LRRC8E: variants seen among roughly 807,000 people sequenced by gnomAD.
LRRC8E encodes leucine rich repeat containing 8 VRAC subunit E.
In LRRC8E, 6 loss-of-function variants were observed where a neutral mutation model predicts 6.1. The ratio of observed to expected loss-of-function variants is 0.98; its 90% CI spans 0.54 to 1.93. The LOEUF is 1.93. Ranked by LOEUF, LRRC8E falls within the 30% of genes most tolerant of loss-of-function variation. The pLI is 0.01. For synonymous variants in LRRC8E, 485 were observed against 472.8 expected, an observed-to-expected ratio of 1.03 and a Z score of -0.33; for missense variants, 1,028 against 1,031.4, an observed-to-expected ratio of 1.00 and a Z score of 0.04.
rs1222390073 is a variant in LRRC8E, at chr19:7,900,778, C to G, written c.2256C>G (p.Leu752=). ...TCAGAGCCCTCAGCCGCCTGGAGCT[C>G]AAAGGCAACCGCTTAGAGGCGCTGC... ...GALRALSRLE[L]KGNRLEALPE... The change falls in exon 3 of 3, where the codon CTC becomes CTG. Residue 752 remains leucine, a synonymous_variant. Coordinates refer to ENST00000306708, the MANE Select transcript of LRRC8E (RefSeq NM_025061.6). The surrounding 1 kb of genome is among the most constrained non-coding windows in gnomAD (Gnocchi z 5.0). The G allele has an allele frequency of 6.2e-6, 10 of 1,609,826 alleles. No homozygotes were observed. The highest frequency in any genetic ancestry group is 8.5e-6 in the Non-Finnish European group (10 of 1,177,842).
In LRRC8E at chr19:7,895,846, C is replaced by A; in HGVS notation, c.138+105C>A. 15 of 1,448,400 alleles carry A rather than the reference C, an allele frequency of 1.0e-5. No individual in the cohort carries two copies. The highest frequency in any genetic ancestry group is 2.0e-5 in the Admixed American group (1 of 49,490). 89.7% of individuals were successfully genotyped at this position (1,448,400 alleles called of 1,614,324 possible). A position where few individuals can be genotyped will look rare whatever the true frequency, so the allele number is the denominator to read the frequency against. On this transcript the variant is annotated intron_variant, in intron 2 of 2. Transcript: ENST00000306708. This position sits in a 1 kb window ranked among gnomAD's most constrained non-coding sequence, Gnocchi z 4.7. ...CCCAAGAAAGAGAGGAAACTGAAGA[C>A]AGAGCCCCACTCAAAGGCCAATCCA...
Position 7,899,853 on chromosome 19 carries a change from T to G in LRRC8E, c.1331T>G (p.Leu444Arg). 2 of 1,606,272 alleles carry G rather than the reference T, an allele frequency of 1.2e-6. No homozygotes were observed. The highest frequency in any genetic ancestry group is 1.7e-6 in the Non-Finnish European group (2 of 1,179,948). ...CTCAGTGAGGTGGAGTCACTCAGGC[T>G]GGAGGCCATCTGCGATATCACCTTC... ...FELSEVESLR[L>R]EAICDITFPP... is the part of the protein sequence containing the mutation. The change falls in exon 3 of 3, where the codon CTG becomes CGG. Residue 444 changes from leucine to arginine, a missense_variant. Physicochemically the swap from Leu to Arg is moderately radical, Grantham distance 102. Transcript: ENST00000306708.
rs898952291 is a variant in LRRC8E, at chr19:7,895,283, A to G, written c.-5-316A>G. The G allele has an allele frequency of 2.3e-4, 59 of 259,832 alleles. No individual in the cohort carries two copies. Among genetic ancestry groups the G allele is most frequent in the Non-Finnish European group, 1.5e-4 (20 of 132,672 alleles). The allele number at this position is 259,832 out of a possible 1,614,324, so 16.1% of individuals were successfully genotyped here. ...GATGCCTCGTTTTGGGGAGGGGGCC[A>G]CCCGAGGAGGCTGGAGGGCGGCGGC... On this transcript the variant is annotated intron_variant, in intron 1 of 2. Transcript: ENST00000306708. The surrounding 1 kb of genome is among the most constrained non-coding windows in gnomAD (Gnocchi z 4.7).
chr19:7,891,531 G>GTGTGTGTGTGTGTGTGTGTGTGTT (rs1981310237), intron 1 of LRRC8E, among the ~76,000 whole-genome samples: 1 of 128,766 alleles, frequency 7.8e-6, no homozygotes, highest in South Asian at 2.3e-4. Context: ...TCGGGTGTGT[G>GTGTGTGTGTGTGTGTGTGTGTGTT]TGTGTGTGTG....
rs149479952 is a variant in LRRC8E, at chr19:7,900,656, G to A, written c.2134G>A (p.Glu712Lys). ...QHLALSYNALEALPEELFFCR... is the reference protein window; with the variant it reads ...QHLALSYNALKALPEELFFCR... ...CCTGGCCCTCTCCTACAATGCCCTG[G>A]AGGCCCTGCCCGAAGAGCTCTTCTT... is the stretch of plus-strand genomic sequence containing the variant. Residue 712 changes from glutamate to lysine, a missense_variant, in exon 3 of 3, where the codon GAG (glutamate) becomes AAG (lysine). Coordinates refer to ENST00000306708, the MANE Select transcript of LRRC8E (RefSeq NM_025061.6). The surrounding 1 kb of genome is among the most constrained non-coding windows in gnomAD (Gnocchi z 5.0). The A allele has an allele frequency of 4.3e-6, 7 of 1,613,328 alleles. No homozygotes were observed. In the African/African-American group the frequency reaches 9.3e-5, roughly 22 times the overall value.
Position 7,899,961 on chromosome 19 carries a change from T to C in LRRC8E, c.1439T>C (p.Val480Ala). ...SPARLPFSLQ[V>A]FLRDHLKVMR... The stretch of plus-strand genomic sequence containing the variant: ...GCCAGGCTACCCTTCTCCTTGCAGG[T>C]CTTCCTGCGGGACCACCTGAAGGTG... Residue 480 changes from valine (V) to alanine (A), a missense_variant, in exon 3 of 3, where the codon GTC (valine) becomes GCC (alanine). Physicochemically the swap from Val to Ala is moderately conservative, Grantham distance 64. Transcript: ENST00000306708. 1.9e-6 allele frequency: 3 copies of C among 1,609,430 alleles called. No homozygotes were observed. Among genetic ancestry groups the C allele is most frequent in the Non-Finnish European group, 2.5e-6 (3 of 1,179,830 alleles).
chr19:7,889,447 A>ACAAACAACAAC (rs1981190283), intron 1 of LRRC8E, among the ~76,000 whole-genome samples: 1 of 125,050 alleles, frequency 8.0e-6, no homozygotes, highest in African/African-American at 2.8e-5. Context: ...ATCTCAAAAA[A>ACAAACAACAAC]AAAAAAAGAT....
chr19:7,894,724 G>C (rs1981486107), intron 1 of LRRC8E, among the ~76,000 whole-genome samples: 2 of 152,314 alleles, frequency 1.3e-5, no homozygotes, highest in Admixed American at 6.5e-5. Context: ...TGGCTGGCCT[G>C]TCTGTATCTG....
rs1981560812 is a variant in LRRC8E, at chr19:7,895,875, C to A, written c.138+134C>A. On this transcript the variant is annotated intron_variant, in intron 2 of 2. Coordinates refer to ENST00000306708, the MANE Select transcript of LRRC8E (RefSeq NM_025061.6). This position sits in a 1 kb window ranked among gnomAD's most constrained non-coding sequence, Gnocchi z 4.7. ...GCCCCACTCAAAGGCCAATCCAGAC[C>A]CCTTATCTTCCTTACCTCCATAGCC... 1.9e-6 allele frequency: 2 copies of A among 1,050,986 alleles called. No individual in the cohort carries two copies. Among genetic ancestry groups the A allele is most frequent in the Admixed American group, 5.1e-5 (2 of 38,882 alleles). 65.1% of individuals were successfully genotyped at this position (1,050,986 alleles called of 1,614,324 possible). A position where few individuals can be genotyped will look rare whatever the true frequency, so the allele number is the denominator to read the frequency against.
In LRRC8E at chr19:7,899,660, C is replaced by A; in HGVS notation, c.1138C>A (p.Arg380Ser). 6.2e-7 allele frequency: 1 copy of A among 1,613,734 alleles called. No individual in the cohort carries two copies. Among genetic ancestry groups the A allele is most frequent in the Non-Finnish European group, 8.5e-7 (1 of 1,180,040 alleles). Residue 380 changes from arginine to serine, a missense_variant, in exon 3 of 3, where the codon CGC (arginine) becomes AGC (serine). Physicochemically the swap from Arg to Ser is moderately radical, Grantham distance 110. Coordinates refer to ENST00000306708, the MANE Select transcript of LRRC8E (RefSeq NM_025061.6). Reference protein sequence around the residue: ...IDQYDSLYSKRFAVFLSEVSE... With the variant: ...IDQYDSLYSKSFAVFLSEVSE... ...TCAGTACGACTCCCTCTACTCCAAG[C>A]GCTTCGCCGTCTTCCTGTCCGAGGT...
At position 7,899,311 on chromosome 19, in the gene LRRC8E, G is replaced by A. The variant is rs754821697; in HGVS notation, c.789G>A (p.Val263=). The change falls in exon 3 of 3, where the codon GTG becomes GTA. Residue 263 remains valine (V), a synonymous_variant. Transcript: ENST00000306708. ...ACATCCGACAGACGGTGCTGAAAGT[G>A]TGTAAGTTCCTGGCCATCCTGGTCT... ...TMYIRQTVLK[V]CKFLAILVYN... is the part of the protein sequence containing the mutation. The A allele has an allele frequency of 3.7e-6, 6 of 1,614,128 alleles. No individual in the cohort carries two copies. The highest frequency in any genetic ancestry group is 5.1e-6 in the Non-Finnish European group (6 of 1,180,052).
rs1271399803 is a variant in LRRC8E at position 7,900,310 on chromosome 19, C to T, written c.1788C>T (p.Arg596=). 1.2e-6 allele frequency: 2 copies of T among 1,613,226 alleles called. No individual in the cohort carries two copies. The highest frequency in any genetic ancestry group is 1.3e-5 in the African/African-American group (1 of 74,940). ...ELELVACGLE[R]IPHAVFSLGA... is the part of the protein sequence containing the mutation. ...AGCTGGTGGCCTGCGGGCTGGAGCGCATCCCCCATGCAGTGTTCAGCCTGG... is the reference window on the plus strand; with the variant it reads ...AGCTGGTGGCCTGCGGGCTGGAGCGTATCCCCCATGCAGTGTTCAGCCTGG... Residue 596 remains arginine, a synonymous_variant, in exon 3 of 3, where the codon CGC becomes CGT. Coordinates refer to ENST00000306708, the MANE Select transcript of LRRC8E (RefSeq NM_025061.6). The surrounding 1 kb of genome is among the most constrained non-coding windows in gnomAD (Gnocchi z 5.0).
rs986063103 is a variant in LRRC8E, at chr19:7,901,274, C to T, written c.*361C>T. On this transcript the variant is annotated 3_prime_UTR_variant, in exon 3 of 3. Coordinates refer to ENST00000306708, the MANE Select transcript of LRRC8E (RefSeq NM_025061.6). ...AGTGCCACATATGGGGGAAACGACA[C>T]ATCCCAGTGGGATTTCCAACACTCC... 141 of 184,722 alleles carry T rather than the reference C, an allele frequency of 7.6e-4. No homozygotes were observed. Among genetic ancestry groups the T allele is most frequent in the Non-Finnish European group, 7.9e-5 (7 of 88,600 alleles). 11.4% of individuals were successfully genotyped at this position (184,722 alleles called of 1,614,324 possible).
rs562446887 is a variant in LRRC8E at position 7,897,205 on chromosome 19, T to C, written c.139-1456T>C. Among the ~76,000 whole-genome samples the C allele has an allele frequency of 3.6e-4, 55 of 151,590 alleles. 1 individual carries two copies. Among genetic ancestry groups the C allele is most frequent in the African/African-American group, 1.2e-3 (51 of 41,348 alleles). ...TTTTTTTTTAGACAGAGTCTCCCTC[T>C]GTCGCCCAGGCTGGCATGCAGTGGT... On this transcript the variant is annotated intron_variant, in intron 2 of 2. Coordinates refer to ENST00000306708, the MANE Select transcript of LRRC8E (RefSeq NM_025061.6).
chr19:7,889,942 T>C (rs1981218274), intron 1 of LRRC8E, among the ~76,000 whole-genome samples: 2 of 151,934 alleles, frequency 1.3e-5, no homozygotes, highest in Non-Finnish European at 2.9e-5. Flanking sequence ...AGATGGGGTT[T>C]CATCATGTTG....
chr19:7,895,815 T>C lies in LRRC8E; in HGVS notation c.138+74T>C. 1 of 1,565,588 alleles carries C rather than the reference T, an allele frequency of 6.4e-7. No homozygotes were observed. The highest frequency in any genetic ancestry group is 8.7e-7 in the Non-Finnish European group (1 of 1,145,048). ...TGTCTGGGGAAGTCGGGAAGCCTTCTCATCACCCAAGAAAGAGAGGAAACT... is the reference window on the plus strand; with the variant it reads ...TGTCTGGGGAAGTCGGGAAGCCTTCCCATCACCCAAGAAAGAGAGGAAACT... On this transcript the variant is annotated intron_variant, in intron 2 of 2. Coordinates refer to ENST00000306708, the MANE Select transcript of LRRC8E (RefSeq NM_025061.6). The surrounding 1 kb of genome is among the most constrained non-coding windows in gnomAD (Gnocchi z 4.7).
Position 7,895,434 on chromosome 19 carries a change from A to G in LRRC8E, c.-5-165A>G. The stretch of plus-strand genomic sequence containing the variant: ...GTGACGTCTGCATGGAGGGTGACTA[A>G]GGCCAGGCTAAGAGGGAAGTGGGGG... On this transcript the variant is annotated intron_variant, in intron 1 of 2. Transcript: ENST00000306708. The surrounding 1 kb of genome is among the most constrained non-coding windows in gnomAD (Gnocchi z 4.7). 1 of 789,422 alleles carries G rather than the reference A, an allele frequency of 1.3e-6. No individual in the cohort carries two copies. Among genetic ancestry groups the G allele is most frequent in the Non-Finnish European group, 2.0e-6 (1 of 495,716 alleles). The allele number at this position is 789,422 out of a possible 1,614,324, so 48.9% of individuals were successfully genotyped here.
intron 1 of LRRC8E, among the ~76,000 whole-genome samples, chr19:7,889,325 C>T (rs1417470458): frequency 6.6e-6 from 1 of 151,972 alleles, no homozygotes; most frequent in African/African-American, 2.4e-5. Context: ...CCCTGTAGTC[C>T]CAGCTACTGG....
At chr19:7,891,541 GTGTGTT>G (rs1288460634) in intron 1 of LRRC8E, among the ~76,000 whole-genome samples, 11 of 128,468 alleles carry the variant, frequency 8.6e-5, no homozygotes, top group Admixed American at 3.9e-4. Flanking sequence ...GTGTGTGTGT[GTGTGTT>G]TGTGTGTGTG....
Sources: allele counts gnomAD v4.1 joint callset (sites outside exome capture counted in the v4.1 genomes callset), GRCh38; gene constraint gnomAD v4.1.1; non-coding constraint Gnocchi (gnomAD v3.1); transcripts MANE v1.5; gene names NCBI Gene and HGNC (gene_info 2026-07-23, HGNC 2026-07-21).